Variants in LRRC37A2 observed in about 807,000 individuals in gnomAD.
LRRC37A2 encodes leucine rich repeat containing 37 member A2.
A neutral mutation model predicts 68.8 loss-of-function variants in LRRC37A2; 9 were observed. The observed-to-expected ratio is 0.13, with a 90% CI of 0.08 to 0.23. LRRC37A2 has a LOEUF of 0.23. Ranked by LOEUF, LRRC37A2 falls within the 10% of genes least tolerant of loss-of-function variation. The pLI is 1.00. For synonymous variants in LRRC37A2, 63 were observed against 367.6 expected (o/e 0.17, Z 9.48); for missense variants, 168 against 950.4 (o/e 0.18, Z 10.82).
At chr17:46,755,745 G>C in the LRRC37A2 span, 12 of 1,045,786 alleles carry the variant, frequency 1.1e-5, no homozygotes, top group Non-Finnish European at 1.7e-5. Context: ...TTTTTTTGAT[G>C]AATAGTTTTT....
the LRRC37A2 span, among the ~76,000 whole-genome samples, chr17:46,834,901 G>A: frequency 6.6e-6 from 1 of 152,140 alleles, no homozygotes; most frequent in Non-Finnish European, 1.5e-5. Context: ...TCCAAAAAAT[G>A]GCCATTGAGC....
At chr17:47,003,617 G>A in the LRRC37A2 span, among the ~76,000 whole-genome samples, 1 of 152,246 alleles carries the variant, frequency 6.6e-6, no homozygotes, top group East Asian at 1.9e-4. Flanking sequence ...CATTGGGGTA[G>A]CATGTTCTTT....
the LRRC37A2 span, among the ~76,000 whole-genome samples, chr17:46,839,968 C>CTTTCTTTT: frequency 7.3e-6 from 1 of 136,872 alleles, no homozygotes; most frequent in Non-Finnish European, 1.6e-5. Flanking sequence ...TTCTTTCTTT[C>CTTTCTTTT]TTTCTTTCTC....
At chr17:46,940,897 C>A in the LRRC37A2 span, 2 of 1,379,072 alleles carry the variant, frequency 1.5e-6, no homozygotes, top group Non-Finnish European at 1.9e-6. Flanking sequence ...CTTCTCTTCA[C>A]ACATCTGCTT....
the LRRC37A2 span, among the ~76,000 whole-genome samples, chr17:46,727,561 A>G: frequency 6.6e-6 from 1 of 151,956 alleles, no homozygotes; most frequent in Non-Finnish European, 1.5e-5. Context: ...GTCCTCTGTT[A>G]TTTATTTTTT....
At chr17:46,931,032 A>AT in the LRRC37A2 span, 6 of 895,384 alleles carry the variant, frequency 6.7e-6, no homozygotes, top group Non-Finnish European at 9.4e-6. Flanking sequence ...AAAATCTGTG[A>AT]TTTATCATTG....
At chr17:46,797,210 C>T in the LRRC37A2 span, among the ~76,000 whole-genome samples, 1 of 152,190 alleles carries the variant, frequency 6.6e-6, no homozygotes, top group East Asian at 1.9e-4. Flanking sequence ...AGAAGCCTTT[C>T]TCAACAGGAT....
chr17:46,918,822 G>C, the LRRC37A2 span, among the ~76,000 whole-genome samples: 1 of 152,166 alleles, frequency 6.6e-6, no homozygotes, highest in Non-Finnish European at 1.5e-5. Flanking sequence ...TTATGTTCTA[G>C]TAACTTCAAA....
the LRRC37A2 span, among the ~76,000 whole-genome samples, chr17:46,827,021 C>T: frequency 6.6e-6 from 1 of 152,200 alleles, no homozygotes; most frequent in African/African-American, 2.4e-5. Flanking sequence ...AAATGATCCA[C>T]CCACCTCAGC....
the LRRC37A2 span, among the ~76,000 whole-genome samples, chr17:46,806,970 C>T: frequency 1.3e-5 from 2 of 152,224 alleles, no homozygotes; most frequent in Admixed American, 1.3e-4. Flanking sequence ...GCAATAGCAC[C>T]GTCGGCTTCC....
chr17:46,836,895 T>C, the LRRC37A2 span, among the ~76,000 whole-genome samples: 1 of 152,218 alleles, frequency 6.6e-6, no homozygotes, highest in Non-Finnish European at 1.5e-5. Flanking sequence ...AAATGAACCC[T>C]TTGCTTTAGG....
At chr17:46,980,702 G>A in the LRRC37A2 span, among the ~76,000 whole-genome samples, 4 of 135,402 alleles carry the variant, frequency 3.0e-5, no homozygotes, top group African/African-American at 7.5e-5. Flanking sequence ...GCGTGGTGGC[G>A]GGCGCCTGTA....
the LRRC37A2 span, among the ~76,000 whole-genome samples, chr17:46,599,991 TTGG>T: frequency 2.5e-5 from 2 of 79,708 alleles, no homozygotes; most frequent in African/African-American, 6.2e-5. Context: ...TGAGTCTCAC[TTGG>T]TGGCCTGGGC....
At chr17:46,497,637 A>T in the LRRC37A2 span, among the ~76,000 whole-genome samples, 2 of 150,504 alleles carry the variant, frequency 1.3e-5, no homozygotes, top group Admixed American at 6.6e-5. Flanking sequence ...TACACTTTCA[A>T]TGTATGTAGA....
chr17:46,968,451 G>A, the LRRC37A2 span, among the ~76,000 whole-genome samples: 2 of 152,168 alleles, frequency 1.3e-5, no homozygotes, highest in African/African-American at 4.8e-5. Context: ...CCCTCCATGC[G>A]GGGACCGCTG....
the LRRC37A2 span, among the ~76,000 whole-genome samples, chr17:46,926,657 G>A: frequency 3.8e-4 from 58 of 152,312 alleles, no homozygotes; most frequent in East Asian, 0.011. Context: ...TCCCAGTTCA[G>A]TTTGAGACAG....
chr17:46,778,555 C>T, the LRRC37A2 span, among the ~76,000 whole-genome samples: 1 of 152,260 alleles, frequency 6.6e-6, no homozygotes, highest in African/African-American at 2.4e-5. Context: ...TGCCCGCACA[C>T]TGCTGAAATT....
chr17:46,836,470 CTT>C, the LRRC37A2 span, among the ~76,000 whole-genome samples: 2 of 151,976 alleles, frequency 1.3e-5, no homozygotes, highest in Middle Eastern at 3.2e-3. Flanking sequence ...CTTTGAATAT[CTT>C]TGTGTTTTTT....
the LRRC37A2 span, among the ~76,000 whole-genome samples, chr17:46,846,026 G>T: frequency 6.6e-6 from 1 of 151,744 alleles, no homozygotes; most frequent in African/African-American, 2.4e-5. Context: ...CCTGATCTCA[G>T]GTGCTCCACC....
Sources: gnomAD v4.1 joint callset for allele counts (sites outside exome capture counted in the v4.1 genomes callset) on GRCh38, gnomAD v4.1.1 for gene constraint, MANE v1.5 for transcripts, NCBI Gene and HGNC (gene_info 2026-07-23, HGNC 2026-07-21) for gene names.